Variants in ADAM23 observed in about 807,000 individuals in gnomAD.
ADAM23 encodes disintegrin and metalloproteinase domain-containing protein 23.
ADAM23 carries 33 observed loss-of-function variants against 120.1 expected under a neutral mutation model. The observed-to-expected ratio is 0.27, with a 90% CI of 0.21 to 0.37. ADAM23 has a LOEUF of 0.37. Among genes scored for constraint, ADAM23 ranks in the 10% least tolerant of loss-of-function variants. ADAM23 has a pLI of 1.00. For synonymous variants in ADAM23, 367 were observed against 375.2 expected (o/e 0.98, Z 0.25); for missense variants, 862 against 1,058.2 (o/e 0.81, Z 2.57).
chr2:206,582,709 A>C (rs943804697), intron 18 of ADAM23, among the ~76,000 whole-genome samples: 8 of 152,102 alleles, frequency 5.3e-5, no homozygotes, highest in African/African-American at 1.9e-4. Flanking sequence ...GATTTGTTTC[A>C]AGATTTAGAG....
At chr2:206,457,583 C>T (rs971752753) in intron 2 of ADAM23, among the ~76,000 whole-genome samples, 1 of 151,872 alleles carries the variant, frequency 6.6e-6, no homozygotes, top group Non-Finnish European at 1.5e-5. Flanking sequence ...TTTTTTTTTC[C>T]TTCCCTAAAT....
intron 21 of ADAM23, among the ~76,000 whole-genome samples, chr2:206,591,582 G>A (rs1698426811): frequency 6.6e-6 from 1 of 151,832 alleles, no homozygotes; most frequent in South Asian, 2.1e-4. Flanking sequence ...TTCATTTTTT[G>A]GCTGTTAGGA....
intron 3 of ADAM23, among the ~76,000 whole-genome samples, chr2:206,496,685 AC>A (rs1696255660): frequency 6.6e-6 from 1 of 152,180 alleles, no homozygotes; most frequent in African/African-American, 2.4e-5. Context: ...GACACAAAAA[AC>A]CCTTCAAAAA....
At chr2:206,486,205 T>C (rs772056029) in intron 3 of ADAM23, among the ~76,000 whole-genome samples, 19 of 152,154 alleles carry the variant, frequency 1.2e-4, no homozygotes, top group Non-Finnish European at 2.4e-4. Flanking sequence ...GTTATGGCCT[T>C]AGAGGTCCTT....
intron 22 of ADAM23, 59 bp downstream of exon 22, chr2:206,592,795 T>C (rs1221318566): frequency 1.3e-6 from 2 of 1,532,254 alleles, no homozygotes; most frequent in Admixed American, 2.1e-5. Flanking sequence ...TTTCACAAAA[T>C]GAAATTTCAA....
intron 3 of ADAM23, among the ~76,000 whole-genome samples, chr2:206,484,903 T>TGAAGGTCAGTTACCC (rs1695979290): frequency 6.6e-6 from 1 of 152,190 alleles, no homozygotes; most frequent in Non-Finnish European, 1.5e-5. Context: ...GATGGTTTTA[T>TGAAGGTCAGTTACCC]GAAGGTCAGT....
intron 25 of ADAM23, among the ~76,000 whole-genome samples, 172 bp downstream of exon 25, chr2:206,610,172 C>G (rs1182939126): frequency 6.6e-6 from 1 of 152,188 alleles, no homozygotes. Flanking sequence ...GGACCCTCAA[C>G]TGTCATTTTC....
intron 13 of ADAM23, among the ~76,000 whole-genome samples, chr2:206,563,706 C>T (rs1369728242): frequency 6.8e-6 from 1 of 148,102 alleles, no homozygotes; most frequent in Admixed American, 6.9e-5. Context: ...TGCCTGCCAT[C>T]GTTCCCTCCT....
chr2:206,477,888 AAAAAAAAAAATAT>A (rs1180138287), intron 2 of ADAM23, among the ~76,000 whole-genome samples: 4 of 110,926 alleles, frequency 3.6e-5, no homozygotes, highest in Non-Finnish European at 5.6e-5. Context: ...GTTAAAAAAA[AAAAAAAAAAATAT>A]ATATATATAT....
intron 3 of ADAM23, among the ~76,000 whole-genome samples, chr2:206,486,685 T>TCTCCTTTTCCTCCTCCTCCTC (rs1696019991): frequency 6.6e-6 from 1 of 152,046 alleles, no homozygotes; most frequent in East Asian, 1.9e-4. Context: ...TCCTCCTCTT[T>TCTCCTTTTCCTCCTCCTCCTC]CTCCTTTTCC....
intron 2 of ADAM23, among the ~76,000 whole-genome samples, chr2:206,469,186 A>G (rs1373622430): frequency 1.3e-5 from 2 of 152,200 alleles, no homozygotes; most frequent in East Asian, 3.8e-4. Flanking sequence ...CTTTATATCT[A>G]ACTGCCTATT....
At chr2:206,472,735 G>C (rs1695686689) in intron 2 of ADAM23, among the ~76,000 whole-genome samples, 1 of 152,176 alleles carries the variant, frequency 6.6e-6, no homozygotes, top group Non-Finnish European at 1.5e-5. Flanking sequence ...TTGGTCAGAA[G>C]TTAAAATTGA....
At chr2:206,562,972 G>A (rs1697799415) in intron 13 of ADAM23, among the ~76,000 whole-genome samples, 1 of 152,162 alleles carries the variant, frequency 6.6e-6, no homozygotes. Context: ...ATTTTCTAGT[G>A]GGCAAAGGGT....
chr2:206,487,024 CA>C (rs1438490008), intron 3 of ADAM23, among the ~76,000 whole-genome samples: 1 of 152,150 alleles, frequency 6.6e-6, no homozygotes. Context: ...GAGGTTCATC[CA>C]TGTTGTAGCT....
intron 3 of ADAM23, among the ~76,000 whole-genome samples, chr2:206,486,129 T>C (rs12104966): frequency 0.044 from 6,699 of 152,176 alleles, 504 homozygotes; most frequent in African/African-American, 0.15. Flanking sequence ...TCTGAAGCCA[T>C]TGGATGGCAG....
chr2:206,508,285 T>C (rs976396893), intron 3 of ADAM23, among the ~76,000 whole-genome samples: 46 of 152,278 alleles, frequency 3.0e-4, no homozygotes, highest in African/African-American at 8.9e-4. Context: ...CTTGGCCTCC[T>C]GAAGTGCTGG....
chr2:206,482,283 G>A (rs138508997), intron 3 of ADAM23, among the ~76,000 whole-genome samples: 15 of 152,322 alleles, frequency 9.8e-5, no homozygotes, highest in African/African-American at 3.6e-4. Context: ...AATTGCCTAT[G>A]TAAAGGTATT....
chr2:206,515,827 G>A (rs1325866752), intron 3 of ADAM23, among the ~76,000 whole-genome samples: 1 of 149,962 alleles, frequency 6.7e-6, no homozygotes, highest in Non-Finnish European at 1.5e-5. Flanking sequence ...ATGTTCTTTA[G>A]AGTTTTTTTT....
At chr2:206,574,472 T>C (rs972214966) in intron 18 of ADAM23, among the ~76,000 whole-genome samples, 10 of 151,944 alleles carry the variant, frequency 6.6e-5, no homozygotes, top group African/African-American at 2.2e-4. Context: ...TAATTAGTTA[T>C]CTTTATATGA....
Sources: gnomAD v4.1 joint callset for allele counts (sites outside exome capture counted in the v4.1 genomes callset) on GRCh38, gnomAD v4.1.1 for gene constraint, MANE v1.5 for transcripts, NCBI Gene and HGNC (gene_info 2026-07-23, HGNC 2026-07-21) for gene names.